Variants in GRM1 observed in about 807,000 individuals in gnomAD.
The protein encoded by GRM1 is glutamate metabotropic receptor 1, also known as metabotropic glutamate receptor 1.
In GRM1, 33 loss-of-function variants were observed where a neutral mutation model predicts 90.9. The observed-to-expected ratio is 0.36, with a 90% CI of 0.28 to 0.49. The LOEUF (loss-of-function observed/expected upper bound fraction) is 0.49, where lower values mean the gene tolerates loss of function less well. GRM1 is among the 20% of genes least tolerant of loss of function. The pLI is 0.99. For missense variants in GRM1, 1,190 were observed against 1,534.3 expected (o/e 0.78, Z 3.75); for synonymous variants, 700 against 613.2 (o/e 1.14, Z -2.09).
intron 1 of GRM1, among the ~76,000 whole-genome samples, chr6:146,102,924 C>A (rs530027775): frequency 6.6e-6 from 1 of 152,274 alleles, no homozygotes; most frequent in Admixed American, 6.5e-5. Flanking sequence ...CTGAGAACAT[C>A]AGACTGTGCG....
At chr6:146,206,655 G>C (rs1470771141) in intron 2 of GRM1, among the ~76,000 whole-genome samples, 1 of 150,518 alleles carries the variant, frequency 6.6e-6, no homozygotes, top group Admixed American at 6.6e-5. Flanking sequence ...TTTTAGGTTT[G>C]ATGGTACATA....
At chr6:146,268,444 A>G (rs1351986246) in intron 2 of GRM1, among the ~76,000 whole-genome samples, 1 of 152,158 alleles carries the variant, frequency 6.6e-6, no homozygotes, top group Non-Finnish European at 1.5e-5. Context: ...CATTTGTATC[A>G]TTATCCATTT....
chr6:146,300,257 A>G (rs1209285500), intron 2 of GRM1, among the ~76,000 whole-genome samples: 2 of 152,224 alleles, frequency 1.3e-5, no homozygotes, highest in African/African-American at 4.8e-5. Context: ...ATGTTTTTGC[A>G]CATTTAAAAA....
In GRM1 at chr6:146,132,767, T is replaced by C. The variant is rs769251086; in HGVS notation, c.701-26581T>C. Among the ~76,000 whole-genome samples, 222 of 152,310 alleles carry C rather than the reference T, an allele frequency of 1.5e-3. 2 individuals are homozygous for C. Among genetic ancestry groups the C allele is most frequent in the Non-Finnish European group, 7.1e-4 (48 of 68,014 alleles). ...TGTCTTATTCTTAACTGGGTGTAGA[T>C]ATTCTCTCCTCTGGTCTGCACTTCA... On this transcript the variant is annotated intron_variant, in intron 1 of 7. Transcript: ENST00000282753.
At chr6:146,100,089 G>C (rs1207965766) in intron 1 of GRM1, among the ~76,000 whole-genome samples, 2 of 151,884 alleles carry the variant, frequency 1.3e-5, no homozygotes, top group East Asian at 3.9e-4. Context: ...AACTCATTTT[G>C]TTTAATTTCC....
At chr6:146,258,657 T>C (rs1781574990) in intron 2 of GRM1, among the ~76,000 whole-genome samples, 1 of 151,930 alleles carries the variant, frequency 6.6e-6, no homozygotes, top group Non-Finnish European at 1.5e-5. Flanking sequence ...AGTGCTGAGA[T>C]TATAGATGTG....
At chr6:146,422,686 C>G (rs1032919780) in intron 7 of GRM1, among the ~76,000 whole-genome samples, 2 of 152,088 alleles carry the variant, frequency 1.3e-5, no homozygotes, top group Admixed American at 6.5e-5. Flanking sequence ...GTAACAAATT[C>G]TAACTTCATT....
intron 1 of GRM1, among the ~76,000 whole-genome samples, chr6:146,124,941 G>A (rs1029997308): frequency 1.9e-4 from 29 of 152,234 alleles, no homozygotes; most frequent in Non-Finnish European, 3.5e-4. Context: ...TTAAACTAGA[G>A]AAAACTGTTA....
chr6:146,195,193 A>G (rs1216216685), intron 2 of GRM1, among the ~76,000 whole-genome samples: 1 of 152,254 alleles, frequency 6.6e-6, no homozygotes, highest in Non-Finnish European at 1.5e-5. Flanking sequence ...AAAAACAGGA[A>G]CAGGAAGCTA....
rs139838792 is a variant in GRM1 at position 146,111,241 on chromosome 6, A to T, written c.701-48107A>T. Among the ~76,000 whole-genome samples, 745 of 152,288 alleles carry T rather than the reference A, an allele frequency of 4.9e-3. 8 individuals are homozygous for T. Among genetic ancestry groups the T allele is most frequent in the African/African-American group, 0.017 (712 of 41,544 alleles). The stretch of plus-strand genomic sequence containing the variant: ...GGAGATAAGATTTTATGGGGAAAAA[A>T]AGTGGGATTTGGAGCCATCTGGGTT... On this transcript the variant is annotated intron_variant, in intron 1 of 7. Coordinates refer to ENST00000282753, the MANE Select transcript of GRM1 (RefSeq NM_001278064.2).
rs550686171 is a variant in GRM1, at chr6:146,062,538, T to C, written c.700+32321T>C. Among the ~76,000 whole-genome samples, 3 of 142,534 alleles carry C rather than the reference T, an allele frequency of 2.1e-5. No individual in the cohort carries two copies. The South Asian group carries it at 6.3e-4, about 30-fold the overall frequency. 93.5% of individuals were successfully genotyped at this position (142,534 alleles called of 152,430 possible). ...AATAAAATAAAATAAAATAAAATGC[T>C]GTTTGTTTTAAGAATTCAGGATGTT... On this transcript the variant is annotated intron_variant, in intron 1 of 7. Transcript: ENST00000282753.
At chr6:146,240,469 G>A (rs574632364) in intron 2 of GRM1, among the ~76,000 whole-genome samples, 10 of 151,906 alleles carry the variant, frequency 6.6e-5, no homozygotes, top group African/African-American at 2.2e-4. Flanking sequence ...TGGATTCCTG[G>A]CAGGAGCTGA....
rs1778552950 is a variant in GRM1, at chr6:146,434,999, A to G, written c.*203A>G. The G allele has an allele frequency of 6.4e-6, 4 of 626,874 alleles. No homozygotes were observed. The highest frequency in any genetic ancestry group is 1.1e-5 in the Non-Finnish European group (4 of 351,578). The allele number at this position is 626,874 out of a possible 1,614,324, so 38.8% of individuals were successfully genotyped here. ...CACCAAGCAAAAAATGTTCCAGGCC[A>G]GGATTCGGATTCTTGAATTACTCGA... On this transcript the variant is annotated 3_prime_UTR_variant, in exon 8 of 8. Transcript: ENST00000282753.
rs569112834 is a variant in GRM1 at position 146,408,081 on chromosome 6, G to C, written c.2660+8382G>C. 7.2e-5 allele frequency among the ~76,000 whole-genome samples: 11 copies of C among 152,050 alleles called. 1 individual carries two copies. The highest frequency in any genetic ancestry group is 2.0e-4 in the Admixed American group (3 of 15,272). On this transcript the variant is annotated intron_variant, in intron 7 of 7. Coordinates refer to ENST00000282753, the MANE Select transcript of GRM1 (RefSeq NM_001278064.2). ...CCTAGATTAGGGTGCTAGCAGGTGA[G>C]GTCCTAGTGAGGGTCCTCTTCTGGT... is the stretch of plus-strand genomic sequence containing the variant.
chr6:146,396,627 G>A (rs917743868), intron 6 of GRM1, among the ~76,000 whole-genome samples: 4 of 151,762 alleles, frequency 2.6e-5, no homozygotes, highest in Non-Finnish European at 4.4e-5. Context: ...AGAAAAATAT[G>A]GTTCAAAACG....
intron 1 of GRM1, among the ~76,000 whole-genome samples, chr6:146,040,585 G>T (rs1791062844): frequency 6.6e-6 from 1 of 151,954 alleles, no homozygotes; most frequent in Non-Finnish European, 1.5e-5. Flanking sequence ...TTGTCATCCT[G>T]CTCCCTCCTG....
intron 1 of GRM1, among the ~76,000 whole-genome samples, chr6:146,116,728 G>A (rs1775762445): frequency 6.6e-6 from 1 of 151,994 alleles, no homozygotes; most frequent in Non-Finnish European, 1.5e-5. Context: ...CAGTAAATTT[G>A]GGGAGAGATA....
At chr6:146,179,576 C>T (rs1315597925) in intron 2 of GRM1, among the ~76,000 whole-genome samples, 1 of 152,140 alleles carries the variant, frequency 6.6e-6, no homozygotes, top group Non-Finnish European at 1.5e-5. Flanking sequence ...TGCAGTGGTG[C>T]GATCTTGGCT....
intron 1 of GRM1, among the ~76,000 whole-genome samples, chr6:146,105,363 C>T (rs1777192490): frequency 6.6e-6 from 1 of 151,872 alleles, no homozygotes; most frequent in Non-Finnish European, 1.5e-5. Context: ...GGCAAATACC[C>T]TTAGTTAAAA....
Sources: gnomAD v4.1 joint callset for allele counts (sites outside exome capture counted in the v4.1 genomes callset) on GRCh38, gnomAD v4.1.1 for gene constraint, MANE v1.5 for transcripts, NCBI Gene and HGNC (gene_info 2026-07-23, HGNC 2026-07-21) for gene names.